PTPRO: variants seen among roughly 807,000 people sequenced by gnomAD.
PTPRO encodes the protein receptor-type tyrosine-protein phosphatase O.
A neutral mutation model predicts 145.2 loss-of-function variants in PTPRO; 62 were observed. That is an observed-to-expected ratio of 0.43 (90% CI 0.35 to 0.53). The LOEUF (loss-of-function observed/expected upper bound fraction) is 0.53. PTPRO is among the 20% of genes least tolerant of loss of function. PTPRO has a pLI of 0.01. For missense variants in PTPRO, 1,345 were observed against 1,482.7 expected (o/e 0.91, Z 1.53); for synonymous variants, 565 against 514.7 (o/e 1.10, Z -1.32).
At chr12:15,400,277 C>G (rs1466011568) in intron 1 of PTPRO, among the ~76,000 whole-genome samples, 4 of 151,802 alleles carry the variant, frequency 2.6e-5, no homozygotes, top group Non-Finnish European at 5.9e-5. Context: ...AGGTGTGAGC[C>G]ACTGTGCCAA....
At chr12:15,374,171 G>A (rs1938613207) in intron 1 of PTPRO, among the ~76,000 whole-genome samples, 1 of 152,030 alleles carries the variant, frequency 6.6e-6, no homozygotes, top group Non-Finnish European at 1.5e-5. Context: ...AATATCCATA[G>A]GAAGCACTTA....
chr12:15,489,884 T>C (rs1432689668), intron 2 of PTPRO, among the ~76,000 whole-genome samples: 1 of 151,926 alleles, frequency 6.6e-6, no homozygotes, highest in East Asian at 1.9e-4. Flanking sequence ...GCCACAAGAA[T>C]GAAGAAAGGA....
intron 1 of PTPRO, among the ~76,000 whole-genome samples, chr12:15,409,248 C>T (rs1200516979): frequency 5.9e-5 from 9 of 152,128 alleles, no homozygotes; most frequent in Non-Finnish European, 8.8e-5. Flanking sequence ...CAAGGTGTTG[C>T]AACTTTGAGA....
intron 26 of PTPRO, chr12:15,595,512 T>C (rs1944641218): frequency 5.7e-6 from 1 of 176,976 alleles, no homozygotes; most frequent in Admixed American, 5.5e-5. Flanking sequence ...AGTCTCAGGA[T>C]AGCAGAGTCT....
rs932600093 is a variant in PTPRO at position 15,439,362 on chromosome 12, A to G, written c.76-44612A>G. ...TGCAGACCATATAAAGCAACTACAC[A>G]ATAGAAACTACAAAGCAACCAGCTA... On this transcript the variant is annotated intron_variant, in intron 1 of 26. Transcript: ENST00000281171. Among the ~76,000 whole-genome samples, 8 of 152,328 alleles carry G rather than the reference A, an allele frequency of 5.3e-5. No individual in the cohort carries two copies. In the South Asian group the frequency reaches 1.7e-3, roughly 32 times the overall value.
chr12:15,570,963 A>C (rs1411969599), intron 19 of PTPRO, among the ~76,000 whole-genome samples: 2 of 152,248 alleles, frequency 1.3e-5, no homozygotes, highest in Non-Finnish European at 2.9e-5. Context: ...GTCATTTTCC[A>C]GTAAACATAT....
rs557804675 is a variant in PTPRO at position 15,406,347 on chromosome 12, A to C, written c.76-77627A>C. On this transcript the variant is annotated intron_variant, in intron 1 of 26. Transcript: ENST00000281171. The stretch of plus-strand genomic sequence containing the variant: ...TTTCTGTAAGCCCAGAAAAGATATA[A>C]AGAGCCATGAAACTTTAAATGAAAT... Among the ~76,000 whole-genome samples the C allele has an allele frequency of 2.0e-5, 3 of 152,346 alleles. No homozygotes were observed. In the East Asian group the frequency reaches 5.8e-4, roughly 29 times the overall value.
At chr12:15,513,268 G>A (rs1470430075) in intron 7 of PTPRO, among the ~76,000 whole-genome samples, 1 of 104,088 alleles carries the variant, frequency 9.6e-6, no homozygotes, top group Admixed American at 1.1e-4. Context: ...GAGGGGGAAG[G>A]AAGGAGGGAG....
chr12:15,430,285 A>G (rs1264057960), intron 1 of PTPRO, among the ~76,000 whole-genome samples: 1 of 152,000 alleles, frequency 6.6e-6, no homozygotes, highest in Non-Finnish European at 1.5e-5. Context: ...GAAGGGTGGC[A>G]GAAGGCAGCA....
chr12:15,554,687 T>A (rs577509176), intron 15 of PTPRO, among the ~76,000 whole-genome samples: 1 of 152,224 alleles, frequency 6.6e-6, no homozygotes, highest in South Asian at 2.1e-4. Context: ...CACTGGCAGC[T>A]GGTTAGATTG....
chr12:15,425,056 C>T (rs928036592), intron 1 of PTPRO, among the ~76,000 whole-genome samples: 50 of 152,232 alleles, frequency 3.3e-4, no homozygotes, highest in Admixed American at 7.9e-4. Flanking sequence ...CTTTGATTTA[C>T]CTGTTTACAC....
intron 1 of PTPRO, among the ~76,000 whole-genome samples, chr12:15,405,409 T>C (rs1447830416): frequency 6.6e-6 from 1 of 152,190 alleles, no homozygotes; most frequent in Non-Finnish European, 1.5e-5. Flanking sequence ...ACTTTTATCA[T>C]TTCAGTGTGG....
intron 1 of PTPRO, among the ~76,000 whole-genome samples, chr12:15,364,226 G>A (rs951903714): frequency 2.0e-5 from 3 of 152,140 alleles, no homozygotes; most frequent in Non-Finnish European, 4.4e-5. Context: ...AGCATAAAGA[G>A]TGAAACATGA....
rs970393315 is a variant in PTPRO at position 15,595,266 on chromosome 12, T to C, written c.*16+209T>C. Reference sequence around the variant, plus strand: ...GAGTTTCAATGCACCTTGGTTGGTGTTGGCAACAAACAGGAGCTTCTGCAC... The same window carrying C: ...GAGTTTCAATGCACCTTGGTTGGTGCTGGCAACAAACAGGAGCTTCTGCAC... On this transcript the variant is annotated intron_variant, in intron 26 of 26. Coordinates refer to ENST00000281171, the MANE Select transcript of PTPRO (RefSeq NM_030667.3). 38 of 538,196 alleles carry C rather than the reference T, an allele frequency of 7.1e-5. 1 individual carries two copies. The Admixed American group carries it at 1.1e-3, about 15-fold the overall frequency. 33.3% of individuals were successfully genotyped at this position (538,196 alleles called of 1,614,324 possible).
At chr12:15,384,072 G>T (rs1181747576) in intron 1 of PTPRO, among the ~76,000 whole-genome samples, 1 of 152,178 alleles carries the variant, frequency 6.6e-6, no homozygotes, top group South Asian at 2.1e-4. Context: ...CTAGTCAGTT[G>T]TCCCTAAACA....
At chr12:15,497,048 A>G (rs1942121398) in intron 2 of PTPRO, among the ~76,000 whole-genome samples, 197 bp from the exon 3 acceptor site, 1 of 152,254 alleles carries the variant, frequency 6.6e-6, no homozygotes, top group African/African-American at 2.4e-5. Context: ...AAAAGCAGAA[A>G]GCACCATATA....
intron 4 of PTPRO, 41 bp from the exon 5 acceptor site, chr12:15,501,578 GA>G: frequency 1.9e-6 from 3 of 1,542,770 alleles, no homozygotes; most frequent in Non-Finnish European, 2.7e-6. Context: ...CACTCTAATT[GA>G]ATTAAAAAAT....
At chr12:15,376,949 C>T (rs1938707401) in intron 1 of PTPRO, among the ~76,000 whole-genome samples, 1 of 152,084 alleles carries the variant, frequency 6.6e-6, no homozygotes, top group Non-Finnish European at 1.5e-5. Context: ...TTTTATGTAA[C>T]TCTTTTCTTC....
intron 18 of PTPRO, among the ~76,000 whole-genome samples, chr12:15,566,607 G>A (rs1344863418): frequency 1.3e-5 from 2 of 152,044 alleles, no homozygotes; most frequent in African/African-American, 4.8e-5. Flanking sequence ...TGCAACCTCT[G>A]TCTCCCAGGT....
Sources: gnomAD v4.1 joint callset for allele counts (sites outside exome capture counted in the v4.1 genomes callset) on GRCh38, gnomAD v4.1.1 for gene constraint, MANE v1.5 for transcripts, NCBI Gene and HGNC (gene_info 2026-07-23, HGNC 2026-07-21) for gene names.